The following RABEP2 variants were observed in gnomAD, a reference collection of about 807,000 sequenced individuals.
The protein encoded by RABEP2 is rabaptin, RAB GTPase binding effector protein 2.
Under a neutral mutation model 74.1 loss-of-function variants are expected in RABEP2, and 57 were observed. The ratio of observed to expected loss-of-function variants is 0.77; its 90% CI spans 0.62 to 0.96. RABEP2 has a LOEUF of 0.96. RABEP2 is among the 40% of genes least tolerant of loss of function. RABEP2 has a pLI of 0.00. For synonymous variants in RABEP2, 351 were observed against 344.0 expected, an observed-to-expected ratio of 1.02 and a Z score of -0.23; for missense variants, 692 against 756.3, an observed-to-expected ratio of 0.91 and a Z score of 1.00.
chr16:28,922,257 A>G (rs1964476196), intron 2 of RABEP2, among the ~76,000 whole-genome samples: 1 of 152,150 alleles, frequency 6.6e-6, no homozygotes, highest in Non-Finnish European at 1.5e-5. Context: ...GTTTGTATAG[A>G]TATTGACCTA....
chr16:28,914,210 C>T, intron 5 of RABEP2, 26 bp downstream of exon 5: 1 of 1,542,862 alleles, frequency 6.5e-7, no homozygotes, highest in Non-Finnish European at 8.7e-7. Context: ...GATGGTACAC[C>T]CCGCCACCCT....
At position 28,906,140 on chromosome 16, in the gene RABEP2, G is replaced by T; in HGVS notation, c.1302C>A (p.Ala434=). The change falls in exon 9 of 13, where the codon GCC becomes GCA. Residue 434 remains alanine, a synonymous_variant. Transcript: ENST00000358201. The part of the protein sequence containing the change: ...TRQEARARLQ[A]QEHGAERLRI... ...GCAGGCGCTCGGCCCCGTGCTCCTG[G>T]GCCTGCAGCCGGGCCCTCGCCTCTT... 1 of 1,583,926 alleles carries T rather than the reference G, an allele frequency of 6.3e-7. No homozygotes were observed. Among genetic ancestry groups the T allele is most frequent in the Non-Finnish European group, 8.6e-7 (1 of 1,169,132 alleles).
chr16:28,922,734 G>GA lies in RABEP2; in HGVS notation c.274+1668dup, dbSNP rs570023647. 1.4e-3 allele frequency among the ~76,000 whole-genome samples: 194 copies of GA among 142,486 alleles called. 2 individuals are homozygous for GA. In the South Asian group the frequency reaches 0.016, roughly 11 times the overall value. 93.5% of individuals were successfully genotyped at this position (142,486 alleles called of 152,430 possible). ...AGTAAGACTCCATCTCAAAAGAAAA[G>GA]AAAAAAAAAATTAGCCACGTGTGGT... is the stretch of plus-strand genomic sequence containing the variant. On this transcript the variant is annotated intron_variant, in intron 2 of 12. Coordinates refer to ENST00000358201, the MANE Select transcript of RABEP2 (RefSeq NM_024816.3).
chr16:28,924,655 C>T, intron 1 of RABEP2, 40 bp from the exon 2 acceptor site: 3 of 1,557,780 alleles, frequency 1.9e-6, no homozygotes, highest in Non-Finnish European at 1.8e-6. Flanking sequence ...CCATCTCTTA[C>T]CCCAGGCCAC....
chr16:28,920,933 G>A (rs1304608897), intron 2 of RABEP2: 4 of 273,864 alleles, frequency 1.5e-5, no homozygotes, highest in Non-Finnish European at 2.9e-5. Flanking sequence ...TCGCAATCAT[G>A]ACTCACTGCA....
intron 2 of RABEP2, chr16:28,921,291 ATAGT>A (rs1234193602): frequency 2.2e-6 from 1 of 455,296 alleles, no homozygotes; most frequent in South Asian, 1.6e-5. Flanking sequence ...GGCTGTGGCA[ATAGT>A]TAGGATGCAG....
At chr16:28,906,964 A>G (rs141155445) in intron 8 of RABEP2, among the ~76,000 whole-genome samples, 2 of 152,212 alleles carry the variant, frequency 1.3e-5, no homozygotes, top group East Asian at 1.9e-4. Flanking sequence ...GTCTCAAAAA[A>G]TAAAAATAAA....
At chr16:28,923,859 C>G (rs1009835782) in intron 2 of RABEP2, among the ~76,000 whole-genome samples, 1 of 152,120 alleles carries the variant, frequency 6.6e-6, no homozygotes, top group African/African-American at 2.4e-5. Context: ...TTCAGAGTCT[C>G]TGGCTTCTGC....
chr16:28,910,285 CT>C (rs78532991), intron 7 of RABEP2: 1,982 of 133,138 alleles, frequency 0.015, 21 homozygotes, highest in African/African-American at 0.036. Flanking sequence ...ATCTGATTTG[CT>C]TTTTTTTTTT....
At chr16:28,907,869 G>A (rs1252050874) in intron 8 of RABEP2, among the ~76,000 whole-genome samples, 4 of 152,044 alleles carry the variant, frequency 2.6e-5, no homozygotes, top group South Asian at 2.1e-4. Context: ...GCGCGATTTC[G>A]GCTCACTGCA....
At chr16:28,906,446 CA>C (rs1465689821) in intron 8 of RABEP2, among the ~76,000 whole-genome samples, 1 of 152,194 alleles carries the variant, frequency 6.6e-6, no homozygotes, top group Non-Finnish European at 1.5e-5. Flanking sequence ...GAGTCCCAAC[CA>C]TAAAGTTCAG....
At position 28,914,277 on chromosome 16, in the gene RABEP2, G is replaced by T; in HGVS notation, c.853C>A (p.Gln285Lys). The T allele has an allele frequency of 6.2e-7, 1 of 1,611,564 alleles. No homozygotes were observed. The highest frequency in any genetic ancestry group is 1.1e-5 in the South Asian group (1 of 90,882). Residue 285 changes from glutamine (Q) to lysine (K), a missense_variant, in exon 5 of 13, where the codon CAG (glutamine) becomes AAG (lysine). Transcript: ENST00000358201. ...TCCCACTGAGTGTCTGGGACGAGCTGGTAGCCAGGAGGGGGCAGGTAGATG... is the reference window on the plus strand; with the variant it reads ...TCCCACTGAGTGTCTGGGACGAGCTTGTAGCCAGGAGGGGGCAGGTAGATG... ...EGIYLPPPGY[Q>K]LVPDTQWEQL...
rs1406795081 is a variant in RABEP2, at chr16:28,914,732, C to T, written c.483G>A (p.Lys161=). ...KLREIVLPME[K]EIEELKAKLL... is the part of the protein sequence containing the mutation. ...GCTTCGCCTTCAGCTCCTCGATCTC[C>T]TTTTCCATGGGCAGTACGATCTCCC... is the stretch of plus-strand genomic sequence containing the variant. The change falls in exon 4 of 13, where the codon AAG becomes AAA. Residue 161 remains lysine, a synonymous_variant. Coordinates refer to ENST00000358201, the MANE Select transcript of RABEP2 (RefSeq NM_024816.3). 1.9e-6 allele frequency: 3 copies of T among 1,614,208 alleles called. No individual in the cohort carries two copies. In the South Asian group the frequency reaches 3.3e-5, roughly 18 times the overall value.
intron 5 of RABEP2, among the ~76,000 whole-genome samples, chr16:28,912,552 T>C (rs1964329709): frequency 6.6e-6 from 1 of 151,798 alleles, no homozygotes; most frequent in African/African-American, 2.4e-5. Context: ...GCCTGGATCA[T>C]AGGCATGTGC....
rs1469108652 is a variant in RABEP2, at chr16:28,914,249, T to C, written c.881A>G (p.Gln294Arg). 6.2e-7 allele frequency: 1 copy of C among 1,602,954 alleles called. No individual in the cohort carries two copies. Residue 294 changes from glutamine to arginine, a missense_variant, in exon 5 of 13, where the codon CAG becomes CGG. Gln to Arg is a conservative substitution (Grantham distance 43). Coordinates refer to ENST00000358201, the MANE Select transcript of RABEP2 (RefSeq NM_024816.3). ...CACAACACTCACCTCTGTCTGCAGC[T>C]GCTCCCACTGAGTGTCTGGGACGAG... is the stretch of plus-strand genomic sequence containing the variant. Reference protein sequence around the residue: ...YQLVPDTQWEQLQTEGRQLQK... With the variant: ...YQLVPDTQWERLQTEGRQLQK...
chr16:28,925,120 C>A lies in RABEP2; in HGVS notation c.44G>T (p.Arg15Leu). ...TCACGTACCAGCCCCCGGCCGCCGC[C>A]GCCGCTCATCGTCGTCCGCGGCCAC... is the stretch of plus-strand genomic sequence containing the variant. ...APVAADDDER[R>L]RRPGAALEDS... Residue 15 changes from arginine to leucine, a missense_variant, in exon 1 of 13, where the codon CGG becomes CTG. By Grantham distance (102) the Arg-to-Leu change is moderately radical. Coordinates refer to ENST00000358201, the MANE Select transcript of RABEP2 (RefSeq NM_024816.3). 1 of 1,535,804 alleles carries A rather than the reference C, an allele frequency of 6.5e-7. No homozygotes were observed. Among genetic ancestry groups the A allele is most frequent in the South Asian group, 1.2e-5 (1 of 84,190 alleles).
At position 28,918,204 on chromosome 16, in the gene RABEP2, C is replaced by T. The variant is rs553806882; in HGVS notation, c.432+1582G>A. Among the ~76,000 whole-genome samples, 49 of 151,590 alleles carry T rather than the reference C, an allele frequency of 3.2e-4. 1 individual carries two copies. The South Asian group carries it at 0.01, about 31-fold the overall frequency. ...ACGCCATTCTCCTGCCTCAGCCTCC[C>T]GAGTAGCTGGGACTACAGGCGCCCG... On this transcript the variant is annotated intron_variant, in intron 3 of 12. Transcript: ENST00000358201.
intron 2 of RABEP2, among the ~76,000 whole-genome samples, chr16:28,923,582 G>C (rs576333529): frequency 6.6e-6 from 1 of 152,206 alleles, no homozygotes; most frequent in African/African-American, 2.4e-5. Flanking sequence ...ACAGTAAGTT[G>C]TACAAGGATG....
Position 28,911,182 on chromosome 16 carries a change from G to A in RABEP2, c.895-3C>T. On this transcript the variant is annotated splice_polypyrimidine_tract_variant and splice_region_variant and intron_variant, in intron 5 of 12. Coordinates refer to ENST00000358201, the MANE Select transcript of RABEP2 (RefSeq NM_024816.3). Reference sequence around the variant, plus strand: ...AGGTCCTTCTGCAGCTGTCGGCCCTGCCACAGACCCTGCCTTCAGCCTGCA... The same window carrying A: ...AGGTCCTTCTGCAGCTGTCGGCCCTACCACAGACCCTGCCTTCAGCCTGCA... 6.2e-7 allele frequency: 1 copy of A among 1,608,222 alleles called. No individual in the cohort carries two copies. The highest frequency in any genetic ancestry group is 8.5e-7 in the Non-Finnish European group (1 of 1,179,772).
Sources: gnomAD v4.1 joint callset for allele counts (sites outside exome capture counted in the v4.1 genomes callset) on GRCh38, gnomAD v4.1.1 for gene constraint, MANE v1.5 for transcripts, NCBI Gene and HGNC (gene_info 2026-07-23, HGNC 2026-07-21) for gene names.